The following ADGRA3 variants were observed in gnomAD, a reference collection of about 807,000 sequenced individuals.
ADGRA3 encodes the protein G-protein coupled receptor 125.
ADGRA3 carries 56 observed loss-of-function variants against 119.8 expected under a neutral mutation model. The observed-to-expected ratio is 0.47, with a 90% CI of 0.38 to 0.58. The LOEUF is 0.58. Ranked by LOEUF, ADGRA3 falls within the 20% of genes least tolerant of loss-of-function variation. The pLI is 0.00. For synonymous variants in ADGRA3, 607 were observed against 623.8 expected (o/e 0.97, Z 0.40); for missense variants, 1,516 against 1,649.0 (o/e 0.92, Z 1.40).
At chr4:22,396,700 A>G (rs1263441329) in intron 16 of ADGRA3, among the ~76,000 whole-genome samples, 1 of 152,200 alleles carries the variant, frequency 6.6e-6, no homozygotes, top group Non-Finnish European at 1.5e-5. Flanking sequence ...GAATGATGCT[A>G]TGTCTTTCAT....
At chr4:22,440,081 A>G (rs1249376461) in intron 7 of ADGRA3, among the ~76,000 whole-genome samples, 1 of 152,198 alleles carries the variant, frequency 6.6e-6, no homozygotes, top group African/African-American at 2.4e-5. Context: ...TCAGACAATG[A>G]TGCTCATTTC....
chr4:22,426,715 T>G lies in ADGRA3; in HGVS notation c.1444-2363A>C, dbSNP rs117089279. Among the ~76,000 whole-genome samples the G allele has an allele frequency of 9.1e-3, 1,383 of 152,326 alleles. 42 individuals carry two copies. Among genetic ancestry groups the G allele is most frequent in the South Asian group, 0.056 (269 of 4,820 alleles). ...ATTTAATCCAAACACCCTATTTTAATGAACTAACACATTCTCAAGGGGTAC... is the reference window on the plus strand; with the variant it reads ...ATTTAATCCAAACACCCTATTTTAAGGAACTAACACATTCTCAAGGGGTAC... On this transcript the variant is annotated intron_variant, in intron 10 of 18. Transcript: ENST00000334304.
intron 1 of ADGRA3, among the ~76,000 whole-genome samples, chr4:22,483,569 C>T (rs1718322143): frequency 6.6e-6 from 1 of 152,176 alleles, no homozygotes; most frequent in African/African-American, 2.4e-5. Flanking sequence ...ACTTTTTCTA[C>T]ATGTTAGACC....
chr4:22,413,866 C>A (rs1331633615), intron 12 of ADGRA3, 52 bp from the exon 13 acceptor site: 3 of 1,225,416 alleles, frequency 2.4e-6, no homozygotes, highest in Non-Finnish European at 2.3e-6. Context: ...TACATAGAAA[C>A]CAGAAAAAAA....
chr4:22,515,542 G>A lies in ADGRA3; in HGVS notation c.243C>T (p.Asn81=). 6 of 1,597,384 alleles carry A rather than the reference G, an allele frequency of 3.8e-6. No individual in the cohort carries two copies. Among genetic ancestry groups the A allele is most frequent in the Non-Finnish European group, 5.1e-6 (6 of 1,167,944 alleles). Residue 81 remains asparagine, a synonymous_variant, in exon 1 of 19, where the codon AAC becomes AAT. Transcript: ENST00000334304. ...AQVLPPDTLP[N]RTVTLILSNN... ...GAGATACTCACAGGGTGACCGTGCG[G>A]TTGGGCAGAGTATCTGGGGGCAGGA...
intron 16 of ADGRA3, chr4:22,397,991 C>A (rs1714437527): frequency 2.7e-6 from 2 of 754,448 alleles, no homozygotes; most frequent in Non-Finnish European, 3.2e-6. Context: ...AAAGTGAGAC[C>A]TGCAAGGTAA....
chr4:22,430,272 G>A (rs1247243670), intron 10 of ADGRA3, among the ~76,000 whole-genome samples: 1 of 152,182 alleles, frequency 6.6e-6, no homozygotes, highest in Non-Finnish European at 1.5e-5. Flanking sequence ...CCAAAAATGT[G>A]GAAGCAACTT....
chr4:22,406,719 C>T (rs549816811), intron 14 of ADGRA3, among the ~76,000 whole-genome samples: 1 of 152,070 alleles, frequency 6.6e-6, no homozygotes, highest in Non-Finnish European at 1.5e-5. Flanking sequence ...CATTTTTGAC[C>T]TGCCCACACG....
At chr4:22,429,502 G>T (rs943988866) in intron 10 of ADGRA3, among the ~76,000 whole-genome samples, 1 of 152,226 alleles carries the variant, frequency 6.6e-6, no homozygotes, top group Non-Finnish European at 1.5e-5. Context: ...CCAACACAGG[G>T]TACCAGGAAA....
intron 1 of ADGRA3, among the ~76,000 whole-genome samples, chr4:22,478,389 T>C (rs1432603954): frequency 2.0e-5 from 3 of 152,218 alleles, no homozygotes; most frequent in Admixed American, 6.5e-5. Flanking sequence ...GGAAAACTGT[T>C]GACAACACTC....
intron 17 of ADGRA3, among the ~76,000 whole-genome samples, chr4:22,392,181 G>C (rs1246393586): frequency 6.6e-6 from 1 of 152,192 alleles, no homozygotes; most frequent in Non-Finnish European, 1.5e-5. Context: ...TAATTAAACT[G>C]ATACATACTT....
At chr4:22,505,801 T>C (rs1180765569) in intron 1 of ADGRA3, among the ~76,000 whole-genome samples, 14 of 151,956 alleles carry the variant, frequency 9.2e-5, no homozygotes, top group African/African-American at 3.4e-4. Flanking sequence ...ATTGAACAGC[T>C]AGAAGGCAAG....
At chr4:22,392,511 A>G (rs1714174153) in intron 17 of ADGRA3, 34 bp downstream of exon 17, 3 of 1,605,350 alleles carry the variant, frequency 1.9e-6, no homozygotes, top group South Asian at 2.2e-5. Context: ...ATGAAAGCAA[A>G]CAAAACAATT....
intron 1 of ADGRA3, among the ~76,000 whole-genome samples, chr4:22,508,618 C>T (rs1025895655): frequency 2.0e-5 from 3 of 152,162 alleles, no homozygotes; most frequent in African/African-American, 4.8e-5. Context: ...CAGGCTGTGG[C>T]GTCTTGCTGG....
chr4:22,437,111 TATC>T (rs745526373), intron 8 of ADGRA3, among the ~76,000 whole-genome samples: 3 of 152,102 alleles, frequency 2.0e-5, no homozygotes, highest in Admixed American at 6.5e-5. Flanking sequence ...AAATAGTAAA[TATC>T]ATATTAGGAT....
chr4:22,484,737 G>GA (rs2109139085), intron 1 of ADGRA3, among the ~76,000 whole-genome samples: 2 of 152,174 alleles, frequency 1.3e-5, no homozygotes, highest in Admixed American at 1.3e-4. Flanking sequence ...CACTGGGTGG[G>GA]AAAAAAATAT....
chr4:22,393,754 G>C (rs889515893), intron 16 of ADGRA3: 3 of 152,146 alleles, frequency 2.0e-5, no homozygotes, highest in Non-Finnish European at 2.9e-5. Flanking sequence ...ATGTGATTTT[G>C]AGGAAATAAT....
In ADGRA3 at chr4:22,498,340, C is replaced by T. The variant is rs564134081; in HGVS notation, c.257+17188G>A. Among the ~76,000 whole-genome samples the T allele has an allele frequency of 5.9e-5, 9 of 152,154 alleles. No homozygotes were observed. In the South Asian group the frequency reaches 8.3e-4, roughly 14 times the overall value. On this transcript the variant is annotated intron_variant, in intron 1 of 18. Transcript: ENST00000334304. The stretch of plus-strand genomic sequence containing the variant: ...AAAAAAGAAAACCAGTTAACATGGC[C>T]GGGTGCAGTGGCTCACACCTGTAAT...
At position 22,388,307 on chromosome 4, in the gene ADGRA3, C is replaced by T. The variant is rs1220378614; in HGVS notation, c.3364G>A (p.Ala1122Thr). The change falls in exon 19 of 19, where the codon GCA (alanine) becomes ACA (threonine). Residue 1122 changes from alanine to threonine, a missense_variant. Physicochemically the swap from Ala to Thr is moderately conservative, Grantham distance 58 (BLOSUM62 0). This residue lies in a region of ADGRA3 where 1,088 missense variants were observed against 1,107.1 expected (regional missense o/e 0.98). Coordinates refer to ENST00000334304, the MANE Select transcript of ADGRA3 (RefSeq NM_145290.4). ...GCKLTNLQAAAAQCHANSLPL... is the reference protein window; with the variant it reads ...GCKLTNLQAATAQCHANSLPL... ...AAAGAATTGGCATGGCACTGAGCTGCAGCCGCCTGCAAGTTTGTTAATTTG... is the reference window on the plus strand; with the variant it reads ...AAAGAATTGGCATGGCACTGAGCTGTAGCCGCCTGCAAGTTTGTTAATTTG... 2.5e-6 allele frequency: 4 copies of T among 1,614,086 alleles called. No homozygotes were observed. Among genetic ancestry groups the T allele is most frequent in the South Asian group, 2.2e-5 (2 of 91,078 alleles).
Sources: allele counts gnomAD v4.1 joint callset (sites outside exome capture counted in the v4.1 genomes callset), GRCh38; gene constraint gnomAD v4.1.1; regional missense constraint gnomAD v4.1.1; transcripts MANE v1.5; gene names NCBI Gene and HGNC (gene_info 2026-07-23, HGNC 2026-07-21).